The following KHDRBS3 variants were observed in gnomAD, a reference collection of about 807,000 sequenced individuals.
KHDRBS3 encodes KH RNA binding domain containing, signal transduction associated 3.
KHDRBS3 carries 23 observed loss-of-function variants against 45.6 expected under a neutral mutation model. That is an observed-to-expected ratio of 0.50 (90% CI 0.36 to 0.72). KHDRBS3 has a LOEUF of 0.72. Among genes scored for constraint, KHDRBS3 ranks in the 30% least tolerant of loss-of-function variants. The pLI, the probability that KHDRBS3 is intolerant of heterozygous loss-of-function variation, is 0.00. For synonymous variants in KHDRBS3, 162 were observed against 156.5 expected, an observed-to-expected ratio of 1.04 and a Z score of -0.26; for missense variants, 352 against 424.8, an observed-to-expected ratio of 0.83 and a Z score of 1.51.
chr8:135,471,811 G>A (rs891696452), intron 1 of KHDRBS3, among the ~76,000 whole-genome samples: 15 of 152,172 alleles, frequency 9.9e-5, no homozygotes, highest in East Asian at 1.9e-4. Context: ...CTCTTCGCTC[G>A]CTCTCTGTGT....
chr8:135,646,049 A>T (rs1831275773), intron 8 of KHDRBS3, among the ~76,000 whole-genome samples: 1 of 130,452 alleles, frequency 7.7e-6, no homozygotes, highest in Non-Finnish European at 1.5e-5. Flanking sequence ...ACTTAAGAGA[A>T]ATATGTTGGT....
intron 7 of KHDRBS3, among the ~76,000 whole-genome samples, chr8:135,630,762 A>G (rs1830562619): frequency 6.6e-6 from 1 of 152,186 alleles, no homozygotes; most frequent in Admixed American, 6.5e-5. Context: ...GAAAAGATAC[A>G]GTAAAAATAT....
intron 7 of KHDRBS3, 95 bp downstream of exon 7, chr8:135,607,132 G>C: frequency 1.1e-6 from 1 of 905,198 alleles, no homozygotes; most frequent in Non-Finnish European, 1.7e-6. Flanking sequence ...AGCTAGAGAG[G>C]GTAATTGGCT....
chr8:135,469,610 C>T (rs1005427034), intron 1 of KHDRBS3, among the ~76,000 whole-genome samples: 3 of 144,970 alleles, frequency 2.1e-5, no homozygotes, highest in Non-Finnish European at 4.5e-5. Context: ...CTCACTGAAA[C>T]GTCTGCCTCC....
rs138910790 is a variant in KHDRBS3, at chr8:135,482,213, T to C, written c.88+24259T>C. 3.9e-5 allele frequency among the ~76,000 whole-genome samples: 6 copies of C among 152,344 alleles called. No homozygotes were observed. In the East Asian group the frequency reaches 1.2e-3, roughly 29 times the overall value. ...TCATTAATGTCACTGGACATTACAT[T>C]AATGTATAACCTCAGAGTTGCTGAT... On this transcript the variant is annotated intron_variant, in intron 1 of 8. Transcript: ENST00000355849.
intron 5 of KHDRBS3, among the ~76,000 whole-genome samples, chr8:135,568,776 G>A (rs576338993): frequency 2.0e-5 from 3 of 152,150 alleles, no homozygotes; most frequent in Admixed American, 6.5e-5. Context: ...AAGACTGACC[G>A]GTCATCTGAA....
chr8:135,581,796 G>A, intron 5 of KHDRBS3, 82 bp from the exon 6 acceptor site: 1 of 1,069,932 alleles, frequency 9.3e-7, no homozygotes, highest in East Asian at 2.8e-5. Context: ...CATTGATTTT[G>A]TTTCTGAGGT....
At position 135,645,433 on chromosome 8, in the gene KHDRBS3, G is replaced by A. The variant is rs562706802; in HGVS notation, c.949+316G>A. 2.0e-5 allele frequency among the ~76,000 whole-genome samples: 3 copies of A among 152,310 alleles called. No individual in the cohort carries two copies. In the South Asian group the frequency reaches 6.2e-4, roughly 32 times the overall value. On this transcript the variant is annotated intron_variant, in intron 8 of 8. Transcript: ENST00000355849. ...CACTTGATAGCTGGGTCTTTTTGAA[G>A]TGTCTTTGTTTCCTGACAGTGAAGG...
chr8:135,467,993 A>G (rs991611353), intron 1 of KHDRBS3, among the ~76,000 whole-genome samples: 1 of 152,206 alleles, frequency 6.6e-6, no homozygotes, highest in African/African-American at 2.4e-5. Flanking sequence ...TCTACTGAAA[A>G]GGAATCTTTT....
intron 2 of KHDRBS3, among the ~76,000 whole-genome samples, chr8:135,526,945 T>TC (rs1441929091): frequency 5.3e-5 from 8 of 151,680 alleles, no homozygotes; most frequent in Non-Finnish European, 7.4e-5. Flanking sequence ...TTTTTTTTTT[T>TC]GCAGATAAAC....
intron 5 of KHDRBS3, among the ~76,000 whole-genome samples, chr8:135,558,124 C>G (rs1398790732): frequency 6.6e-6 from 1 of 152,160 alleles, no homozygotes; most frequent in Non-Finnish European, 1.5e-5. Context: ...ATCACCAATC[C>G]TAAGCACAGT....
intron 1 of KHDRBS3, among the ~76,000 whole-genome samples, chr8:135,495,646 A>G (rs963997163): frequency 1.3e-5 from 2 of 152,182 alleles, no homozygotes; most frequent in Admixed American, 1.3e-4. Context: ...ATATTCCACC[A>G]TGATTTTTTT....
intron 5 of KHDRBS3, 75 bp downstream of exon 5, chr8:135,557,662 C>T (rs1014020248): frequency 3.7e-6 from 4 of 1,093,654 alleles, no homozygotes; most frequent in Non-Finnish European, 4.1e-6. Flanking sequence ...TAGCCAAAAC[C>T]AGTTCTATCT....
intron 5 of KHDRBS3, among the ~76,000 whole-genome samples, chr8:135,581,543 TGTGGGAGTGAA>T (rs1008634666): frequency 2.6e-5 from 4 of 152,146 alleles, no homozygotes; most frequent in Non-Finnish European, 4.4e-5. Flanking sequence ...CACCTCATAG[TGTGGGAGTGAA>T]GTTTGGGTGT....
At chr8:135,528,446 A>G (rs1825305150) in intron 2 of KHDRBS3, among the ~76,000 whole-genome samples, 1 of 152,246 alleles carries the variant, frequency 6.6e-6, no homozygotes, top group Non-Finnish European at 1.5e-5. Flanking sequence ...AGTCATAGAG[A>G]TATGTTAAAT....
intron 3 of KHDRBS3, among the ~76,000 whole-genome samples, chr8:135,547,698 G>A (rs1397967439): frequency 6.6e-6 from 1 of 152,140 alleles, no homozygotes; most frequent in African/African-American, 2.4e-5. Flanking sequence ...ATTAAAAGGT[G>A]GTATTGCCAG....
At chr8:135,632,528 C>A (rs534097542) in intron 7 of KHDRBS3, among the ~76,000 whole-genome samples, 2 of 152,120 alleles carry the variant, frequency 1.3e-5, no homozygotes, top group Non-Finnish European at 2.9e-5. Context: ...CCCCTAGATT[C>A]TCTTTCCAGC....
At chr8:135,596,053 G>A (rs1828959385) in intron 6 of KHDRBS3, among the ~76,000 whole-genome samples, 1 of 152,120 alleles carries the variant, frequency 6.6e-6, no homozygotes, top group Admixed American at 6.6e-5. Context: ...AACAGCTTGG[G>A]GGAAAATGAA....
intron 1 of KHDRBS3, among the ~76,000 whole-genome samples, chr8:135,470,210 C>A (rs939292518): frequency 6.6e-6 from 1 of 152,110 alleles, no homozygotes; most frequent in African/African-American, 2.4e-5. Flanking sequence ...TCCTGGCGTG[C>A]TGATAAAGGA....
Sources: allele counts gnomAD v4.1 joint callset (sites outside exome capture counted in the v4.1 genomes callset), GRCh38; gene constraint gnomAD v4.1.1; transcripts MANE v1.5; gene names NCBI Gene and HGNC (gene_info 2026-07-23, HGNC 2026-07-21).